Variants in MYH2 observed in about 807,000 individuals in gnomAD.
MYH2 encodes the protein myosin heavy chain 2.
Under a neutral mutation model 228.1 loss-of-function variants are expected in MYH2, and 139 were observed. The observed-to-expected ratio is 0.61, with a 90% CI of 0.53 to 0.70. MYH2 has a LOEUF of 0.70. Ranked by LOEUF, MYH2 falls within the 30% of genes least tolerant of loss-of-function variation. MYH2 has a pLI of 0.00. For missense variants in MYH2, 1,809 were observed against 2,357.5 expected (o/e 0.77, Z 4.82); for synonymous variants, 796 against 871.1 (o/e 0.91, Z 1.52).
rs141397048 is a variant in MYH2, at chr17:10,529,157, C to T, written c.3354+5G>A. The T allele has an allele frequency of 4.2e-5, 67 of 1,614,236 alleles. No individual in the cohort carries two copies. In the African/African-American group the frequency reaches 8.0e-4, roughly 19 times the overall value. On this transcript the variant is annotated splice_donor_5th_base_variant and intron_variant, in intron 26 of 39. Transcript: ENST00000245503. The stretch of plus-strand genomic sequence containing the variant: ...GAGCCAGACTGATGAAAATCATGTA[C>T]TTACTTGCAATTCTTTAATTTTCTT...
chr17:10,534,273 T>G (rs1380031389), intron 19 of MYH2, among the ~76,000 whole-genome samples: 1 of 152,116 alleles, frequency 6.6e-6, no homozygotes, highest in Non-Finnish European at 1.5e-5. Flanking sequence ...GTCTAATATG[T>G]GGGAGAAAAA....
rs1283352178 is a variant in MYH2, at chr17:10,526,585, A to G, written c.4187+14T>C. 2.5e-6 allele frequency: 4 copies of G among 1,613,914 alleles called. No individual in the cohort carries two copies. Among genetic ancestry groups the G allele is most frequent in the Non-Finnish European group, 8.5e-7 (1 of 1,179,820 alleles). ...CAAAGTTTTCTGCTCATTCTCTCAT[A>G]TCTGTGCACATACTTGGCCTCCTCC... On this transcript the variant is annotated intron_variant, in intron 30 of 39. Transcript: ENST00000245503.
chr17:10,521,847 A>G (rs541439201), intron 39 of MYH2, among the ~76,000 whole-genome samples: 2 of 152,152 alleles, frequency 1.3e-5, no homozygotes, highest in Non-Finnish European at 2.9e-5. Context: ...GGATTTTGTC[A>G]TGTATCATTT....
chr17:10,539,518 G>GT lies in MYH2; in HGVS notation c.1191_1192insA (p.Leu398ThrfsTer15). 1 of 1,614,180 alleles carries GT rather than the reference G, an allele frequency of 6.2e-7. No homozygotes were observed. The highest frequency in any genetic ancestry group is 8.5e-7 in the Non-Finnish European group (1 of 1,180,032). The stretch of plus-strand genomic sequence containing the variant: ...CTGGGGTAGCAGAGAGCTTTGAGCA[G>GT]ATCTGCAGAGTTCAGACTCTGGAGG... On this transcript the variant is annotated frameshift_variant, in exon 13 of 40. Coordinates refer to ENST00000245503, the MANE Select transcript of MYH2 (RefSeq NM_017534.6). LOFTEE classifies it high-confidence loss of function.
rs1389727909 is a variant in MYH2 at position 10,543,769 on chromosome 17, G to A, written c.683C>T (p.Pro228Leu). Residue 228 changes from proline (P) to leucine (L), a missense_variant, in exon 8 of 40, where the codon CCC (proline) becomes CTC (leucine). Around this residue, in one of 9 missense-constraint regions of MYH2, gnomAD observed 373 missense variants for 620.4 expected, o/e 0.60. Transcript: ENST00000245503. ...GGCGTTGCCAAAGGCCTCCAGTAGG[G>A]GGTTGGCACTGATGATTTGATCTTC... is the stretch of plus-strand genomic sequence containing the variant. Reference protein sequence around the residue: ...TLEDQIISANPLLEAFGNAKT... With the variant: ...TLEDQIISANLLLEAFGNAKT... 1.2e-6 allele frequency: 2 copies of A among 1,614,206 alleles called. No individual in the cohort carries two copies. Among genetic ancestry groups the A allele is most frequent in the Non-Finnish European group, 1.7e-6 (2 of 1,180,022 alleles).
chr17:10,542,990 AAC>A lies in MYH2; in HGVS notation c.806-19_806-18del, dbSNP rs768799586. On this transcript the variant is annotated intron_variant, in intron 9 of 39. Coordinates refer to ENST00000245503, the MANE Select transcript of MYH2 (RefSeq NM_017534.6). ...CTAGCAGATCTGGAAGGAAACAAAT[AAC>A]ACATAAGAAAATTGTAAAAATTCAT... 1 of 1,600,978 alleles carries A rather than the reference AAC, an allele frequency of 6.2e-7. No individual in the cohort carries two copies. The highest frequency in any genetic ancestry group is 1.1e-5 in the South Asian group (1 of 90,772).
chr17:10,523,005 C>G, intron 39 of MYH2, 85 bp downstream of exon 39: 1 of 970,320 alleles, frequency 1.0e-6, no homozygotes, highest in South Asian at 1.3e-5. Flanking sequence ...ATGCAGTAGT[C>G]TTTAAAGCAA....
intron 37 of MYH2, 27 bp from the exon 38 acceptor site, chr17:10,523,439 T>G: frequency 6.2e-7 from 1 of 1,614,198 alleles, no homozygotes; most frequent in Non-Finnish European, 8.5e-7. Context: ...TCTTAAGAAC[T>G]TTGATCCAAT....
At position 10,525,457 on chromosome 17, in the gene MYH2, A is replaced by C; in HGVS notation, c.4531T>G (p.Leu1511Val). 6.2e-7 allele frequency: 1 copy of C among 1,614,210 alleles called. No individual in the cohort carries two copies. Among genetic ancestry groups the C allele is most frequent in the Non-Finnish European group, 8.5e-7 (1 of 1,180,038 alleles). ...GAATATGATAGGGACTTACGCTGTA[A>C]GTTTTTGTTCTCTCGCTTCAGGGTT... The part of the protein sequence containing the change: ...LETLKRENKN[L>V]QQEISDLTEQ... The change falls in exon 32 of 40, where the codon TTA becomes GTA. Residue 1511 changes from leucine to valine, a missense_variant. Leu to Val is a conservative substitution (Grantham distance 32, BLOSUM62 1). This residue lies in a region of MYH2 where 636 missense variants were observed against 729.9 expected (regional missense o/e 0.87). Coordinates refer to ENST00000245503, the MANE Select transcript of MYH2 (RefSeq NM_017534.6). The surrounding 1 kb of genome is among the most constrained non-coding windows in gnomAD (Gnocchi z 4.2).
intron 22 of MYH2, 144 bp downstream of exon 22, chr17:10,531,489 G>C: frequency 8.8e-7 from 1 of 1,129,968 alleles, no homozygotes; most frequent in Non-Finnish European, 1.3e-6. Context: ...GGAATGTTTG[G>C]ACCTTTTCGT....
At position 10,525,490 on chromosome 17, in the gene MYH2, G is replaced by A; in HGVS notation, c.4498C>T (p.Gln1500Ter). The A allele has an allele frequency of 6.2e-7, 1 of 1,614,180 alleles. No homozygotes were observed. The highest frequency in any genetic ancestry group is 8.5e-7 in the Non-Finnish European group (1 of 1,180,036). ...TTCTCTCGCTTCAGGGTTTCTAGCT[G>A]ATCCAAAGATTCCTCATAGGCATTC... Reference protein sequence around the residue: ...IKNAYEESLDQLETLKRENKN... With the variant: ...IKNAYEESLD The change falls in exon 32 of 40, where the codon CAG becomes TAG. Residue 1500 changes from glutamine (Q) to a stop codon, truncating the protein, a stop_gained. Coordinates refer to ENST00000245503, the MANE Select transcript of MYH2 (RefSeq NM_017534.6). LOFTEE classifies it high-confidence loss of function. The surrounding 1 kb of genome is among the most constrained non-coding windows in gnomAD (Gnocchi z 4.2).
At chr17:10,535,989 C>T (rs1339716432) in intron 17 of MYH2, among the ~76,000 whole-genome samples, 2 of 152,120 alleles carry the variant, frequency 1.3e-5, no homozygotes, top group Non-Finnish European at 2.9e-5. Flanking sequence ...TTTCATGGCT[C>T]AGCTAGATTA....
At chr17:10,526,507 T>C in intron 30 of MYH2, 92 bp downstream of exon 30, 1 of 1,576,366 alleles carries the variant, frequency 6.3e-7, no homozygotes. Context: ...TAATGAGCAT[T>C]TGTGGACTAA....
intron 21 of MYH2, among the ~76,000 whole-genome samples, chr17:10,532,160 C>T (rs1263183255): frequency 2.6e-5 from 4 of 152,192 alleles, no homozygotes; most frequent in Non-Finnish European, 5.9e-5. Context: ...GATTCAGATT[C>T]AGATTCAGAA....
rs2073358683 is a variant in MYH2, at chr17:10,526,679, C to T, written c.4107G>A (p.Lys1369=). The T allele has an allele frequency of 6.2e-7, 1 of 1,613,954 alleles. No individual in the cohort carries two copies. The highest frequency in any genetic ancestry group is 1.7e-5 in the Admixed American group (1 of 60,000). ...SKAELQRALS[K]ANTEVAQWRT... is the part of the protein sequence containing the mutation. ...TCCATTGGGCAACCTCGGTGTTGGC[C>T]TTGGACAGTGCTCTCTGCAGCTCGG... is the stretch of plus-strand genomic sequence containing the variant. Residue 1369 remains lysine (K), a synonymous_variant, in exon 30 of 40, where the codon AAG becomes AAA. Coordinates refer to ENST00000245503, the MANE Select transcript of MYH2 (RefSeq NM_017534.6).
intron 35 of MYH2, 61 bp from the exon 36 acceptor site, chr17:10,523,945 A>G: frequency 6.5e-7 from 1 of 1,529,950 alleles, no homozygotes; most frequent in Non-Finnish European, 8.9e-7. Context: ...ATTGGTAACC[A>G]CTTCTTGAAA....
intron 39 of MYH2, 147 bp downstream of exon 39, chr17:10,522,943 T>C (rs1347568083): frequency 1.4e-5 from 9 of 654,714 alleles, no homozygotes; most frequent in Non-Finnish European, 2.4e-5. Context: ...AAGCTACTGA[T>C]ATTACAAATG....
intron 10 of MYH2, among the ~76,000 whole-genome samples, chr17:10,541,239 C>A (rs2073550007): frequency 6.6e-6 from 1 of 152,188 alleles, no homozygotes; most frequent in Admixed American, 6.5e-5. Context: ...CCATATTTCT[C>A]TTCTTTCAAA....
At chr17:10,547,050 C>T (rs2073644412) in intron 4 of MYH2, among the ~76,000 whole-genome samples, 1 of 152,130 alleles carries the variant, frequency 6.6e-6, no homozygotes. Context: ...GAGATCGCAC[C>T]ACTGCACTCC....
Sources: allele counts gnomAD v4.1 joint callset (sites outside exome capture counted in the v4.1 genomes callset), GRCh38; gene constraint gnomAD v4.1.1; regional missense constraint gnomAD v4.1.1; non-coding constraint Gnocchi (gnomAD v3.1); transcripts MANE v1.5; gene names NCBI Gene and HGNC (gene_info 2026-07-23, HGNC 2026-07-21).